Variants in UNC80 observed in about 807,000 individuals in gnomAD.
UNC80 encodes unc-80 subunit of NALCN channel complex, also known as protein unc-80 homolog.
In UNC80, 164 loss-of-function variants were observed where a neutral mutation model predicts 384.6. The ratio of observed to expected loss-of-function variants is 0.43; its 90% confidence interval spans 0.38 to 0.49. UNC80 has a LOEUF of 0.49. Among genes scored for constraint, UNC80 ranks in the 20% least tolerant of loss-of-function variants. The probability of loss-of-function intolerance (pLI) is 0.00; values close to 1 mark genes in which losing one functional copy is unlikely to be tolerated. For synonymous variants in UNC80, 1,486 were observed against 1,527.8 expected (o/e 0.97, Z 0.64); for missense variants, 3,330 against 4,143.0 (o/e 0.80, Z 5.39).
chr2:209,961,709 C>T (rs2092596644), intron 51 of UNC80, among the ~76,000 whole-genome samples: 1 of 152,044 alleles, frequency 6.6e-6, no homozygotes, highest in African/African-American at 2.4e-5. Context: ...AAAAACAAAA[C>T]AGTTGCTCGG....
chr2:209,860,158 T>A (rs2083246670), intron 22 of UNC80, among the ~76,000 whole-genome samples: 1 of 152,204 alleles, frequency 6.6e-6, no homozygotes, highest in Non-Finnish European at 1.5e-5. Context: ...TTTTTATGGT[T>A]TGGGGTTTTA....
intron 22 of UNC80, among the ~76,000 whole-genome samples, chr2:209,856,777 T>C (rs1363635671): frequency 6.6e-6 from 1 of 151,392 alleles, no homozygotes; most frequent in East Asian, 1.9e-4. Flanking sequence ...TATTTATTTA[T>C]TTATTTATTT....
At chr2:209,831,072 A>G (rs971819497) in intron 15 of UNC80, among the ~76,000 whole-genome samples, 1 of 150,620 alleles carries the variant, frequency 6.6e-6, no homozygotes, top group Non-Finnish European at 1.5e-5. Context: ...TGAATTCTCC[A>G]TTGAGGGGTT....
In UNC80 at chr2:209,881,016, T is replaced by C; in HGVS notation, c.4032T>C (p.Cys1344=). Residue 1344 remains cysteine, a synonymous_variant, in exon 25 of 65, where the codon TGT becomes TGC. Transcript: ENST00000673920. ...CCTTTGCCTTGAAGATGGCAGCATG[T>C]CAGCTTCTTCTGGAGATTACCACCT... The part of the protein sequence containing the change: ...GCPFALKMAA[C]QLLLEITTFL... 1 of 1,552,002 alleles carries C rather than the reference T, an allele frequency of 6.4e-7. No individual in the cohort carries two copies. The highest frequency in any genetic ancestry group is 8.7e-7 in the Non-Finnish European group (1 of 1,147,040).
chr2:209,977,098 T>G lies in UNC80; in HGVS notation c.8938+20T>G. 2 of 1,467,034 alleles carry G rather than the reference T, an allele frequency of 1.4e-6. No individual in the cohort carries two copies. The highest frequency in any genetic ancestry group is 1.8e-6 in the Non-Finnish European group (2 of 1,086,278). 90.9% of individuals were successfully genotyped at this position (1,467,034 alleles called of 1,614,324 possible). A position where few individuals can be genotyped will look rare whatever the true frequency, so the allele number is the denominator to read the frequency against. ...GATCAGGTGAGTGTGCATGAGAGTGTTGTGAATTTGTTTGACTAATGGAAC... is the reference window on the plus strand; with the variant it reads ...GATCAGGTGAGTGTGCATGAGAGTGGTGTGAATTTGTTTGACTAATGGAAC... On this transcript the variant is annotated intron_variant, in intron 58 of 64. Coordinates refer to ENST00000673920, the MANE Select transcript of UNC80 (RefSeq NM_001371986.1).
intron 24 of UNC80, 68 bp from the exon 25 acceptor site, chr2:209,880,893 A>T: frequency 6.8e-7 from 1 of 1,475,380 alleles, no homozygotes; most frequent in Non-Finnish European, 9.2e-7. Context: ...AGCTATGTCC[A>T]TCAAACTATG....
intron 5 of UNC80, among the ~76,000 whole-genome samples, chr2:209,787,292 G>C (rs1479530159): frequency 2.0e-5 from 3 of 151,974 alleles, no homozygotes; most frequent in Non-Finnish European, 4.4e-5. Flanking sequence ...CACTGTTCCT[G>C]GTCCTCAGAT....
At position 209,881,078 on chromosome 2, in the gene UNC80, G is replaced by A. The variant is rs1306650540; in HGVS notation, c.4094G>A (p.Arg1365His). Residue 1365 changes from arginine (R) to histidine (H), a missense_variant, in exon 25 of 65, where the codon CGC becomes CAC. Physicochemically the swap from Arg to His is conservative, Grantham distance 29 (BLOSUM62 0). Transcript: ENST00000673920. ...ACCTTTTCTTGCCTGCCCAGACCTC[G>A]CACTGAGCCTCTGGTGGTAAGTTAA... ...RETFSCLPRP[R>H]TEPLVDLESC... The A allele has an allele frequency of 3.2e-6, 5 of 1,551,488 alleles. No homozygotes were observed. The highest frequency in any genetic ancestry group is 2.7e-5 in the African/African-American group (2 of 72,998).
intron 51 of UNC80, 61 bp from the exon 52 acceptor site, chr2:209,967,376 T>G: frequency 7.7e-7 from 1 of 1,291,152 alleles, no homozygotes; most frequent in Non-Finnish European, 1.0e-6. Context: ...TGTAAAAAAA[T>G]TCCTGTTGTG....
rs747171151 is a variant in UNC80 at position 209,837,773 on chromosome 2, C to CT, written c.3042-1433dup. 2.2e-3 allele frequency among the ~76,000 whole-genome samples: 308 copies of CT among 141,408 alleles called. 1 individual carries two copies. Among genetic ancestry groups the CT allele is most frequent in the Middle Eastern group, 3.7e-3 (1 of 270 alleles). 92.8% of individuals were successfully genotyped at this position (141,408 alleles called of 152,430 possible). The stretch of plus-strand genomic sequence containing the variant: ...GTTTTTGACCTTCTTGTACCTACAT[C>CT]TTTTTTTTTTTTTTTTGAGACGGAG... On this transcript the variant is annotated intron_variant, in intron 18 of 64. Coordinates refer to ENST00000673920, the MANE Select transcript of UNC80 (RefSeq NM_001371986.1).
At chr2:209,800,186 C>A (rs975095089) in intron 7 of UNC80, among the ~76,000 whole-genome samples, 1 of 152,064 alleles carries the variant, frequency 6.6e-6, no homozygotes, top group Non-Finnish European at 1.5e-5. Flanking sequence ...TCCATCTGGT[C>A]CTGGGCTTTT....
At position 209,817,066 on chromosome 2, in the gene UNC80, C is replaced by G. The variant is rs2079794472; in HGVS notation, c.1493C>G (p.Ser498Cys). The change falls in exon 10 of 65, where the codon TCT (serine) becomes TGT (cysteine). Residue 498 changes from serine (S) to cysteine (C), a missense_variant. This residue lies in a region of UNC80 where 937 missense variants were observed against 1,026.8 expected (regional missense o/e 0.91). Coordinates refer to ENST00000673920, the MANE Select transcript of UNC80 (RefSeq NM_001371986.1). Reference sequence around the variant, plus strand: ...AGCACATTCTCCTTTGGAAGTTTCTCTGGGCTGGGAGAAGACAGGCGAGGA... The same window carrying G: ...AGCACATTCTCCTTTGGAAGTTTCTGTGGGCTGGGAGAAGACAGGCGAGGA... ...TRSTFSFGSF[S>C]GLGEDRRGIE... is the part of the protein sequence containing the mutation. 6.4e-7 allele frequency: 1 copy of G among 1,551,772 alleles called. No homozygotes were observed. The highest frequency in any genetic ancestry group is 8.7e-7 in the Non-Finnish European group (1 of 1,147,022).
At chr2:209,792,373 A>G (rs1490594772) in intron 6 of UNC80, among the ~76,000 whole-genome samples, 4 of 152,222 alleles carry the variant, frequency 2.6e-5, no homozygotes, top group African/African-American at 9.6e-5. Flanking sequence ...TTTGAGACGG[A>G]GTCTCACTCT....
At chr2:209,965,471 G>C (rs981743483) in intron 51 of UNC80, among the ~76,000 whole-genome samples, 1 of 141,810 alleles carries the variant, frequency 7.1e-6, no homozygotes, top group African/African-American at 2.6e-5. Flanking sequence ...GAAGTTTTTT[G>C]TTTTTTTTTT....
intron 59 of UNC80, among the ~76,000 whole-genome samples, chr2:209,980,133 G>A (rs1417415174): frequency 6.6e-6 from 1 of 152,002 alleles, no homozygotes; most frequent in Non-Finnish European, 1.5e-5. Context: ...TTGTAATTAG[G>A]GAAATCTTGA....
rs1574517219 is a variant in UNC80, at chr2:209,805,942, C to T, written c.939-7638C>T. On this transcript the variant is annotated intron_variant, in intron 7 of 64. Coordinates refer to ENST00000673920, the MANE Select transcript of UNC80 (RefSeq NM_001371986.1). ...CTGGCTGTAATAATGATAATGTCAC[C>T]ATCATTTAATATATTAAAATTTTTG... Among the ~76,000 whole-genome samples, 5 of 152,124 alleles carry T rather than the reference C, an allele frequency of 3.3e-5. No homozygotes were observed. In the East Asian group the frequency reaches 7.7e-4, roughly 23 times the overall value.
chr2:209,963,723 A>G (rs2125005189), intron 51 of UNC80, among the ~76,000 whole-genome samples: 1 of 152,380 alleles, frequency 6.6e-6, no homozygotes, highest in African/African-American at 2.4e-5. Flanking sequence ...TCTTTAAAAC[A>G]CCCACATTCA....
intron 26 of UNC80, among the ~76,000 whole-genome samples, chr2:209,893,585 T>G (rs906806545): frequency 6.6e-6 from 1 of 152,158 alleles, no homozygotes; most frequent in African/African-American, 2.4e-5. Flanking sequence ...GAGGATAGTA[T>G]GAAGTCATTA....
At chr2:209,951,232 T>A (rs575896432) in intron 47 of UNC80, among the ~76,000 whole-genome samples, 101 of 152,244 alleles carry the variant, frequency 6.6e-4, no homozygotes, top group African/African-American at 2.4e-3. Context: ...TACTGACTTA[T>A]CATATCTGTT....
Sources: allele counts gnomAD v4.1 joint callset (sites outside exome capture counted in the v4.1 genomes callset), GRCh38; gene constraint gnomAD v4.1.1; regional missense constraint gnomAD v4.1.1; transcripts MANE v1.5; gene names NCBI Gene and HGNC (gene_info 2026-07-23, HGNC 2026-07-21).